LRRTM3: variants seen among roughly 807,000 people sequenced by gnomAD.
LRRTM3 encodes the protein leucine rich repeat transmembrane neuronal 3.
A neutral mutation model predicts 44.7 loss-of-function variants in LRRTM3; 24 were observed. The ratio of observed to expected loss-of-function variants is 0.54; its 90% confidence interval spans 0.39 to 0.76. The LOEUF (loss-of-function observed/expected upper bound fraction) is 0.76. LRRTM3 is among the 30% of genes least tolerant of loss of function. The pLI is 0.00. For synonymous variants in LRRTM3, 277 were observed against 278.7 expected, an observed-to-expected ratio of 0.99 and a Z score of 0.06; for missense variants, 587 against 702.2, an observed-to-expected ratio of 0.84 and a Z score of 1.85.
intron 2 of LRRTM3, among the ~76,000 whole-genome samples, chr10:66,953,659 C>T (rs1194144515): frequency 1.3e-5 from 2 of 152,050 alleles, no homozygotes; most frequent in African/African-American, 2.4e-5. Flanking sequence ...AGAATTTCAT[C>T]TATTTTCTAC....
At chr10:67,033,032 A>G (rs760350197) in intron 2 of LRRTM3, among the ~76,000 whole-genome samples, 3 of 152,230 alleles carry the variant, frequency 2.0e-5, no homozygotes, top group Non-Finnish European at 2.9e-5. Context: ...ACTTTTACCA[A>G]TGCCTAAAGG....
At chr10:67,052,071 A>T (rs1855132702) in intron 2 of LRRTM3, among the ~76,000 whole-genome samples, 1 of 152,152 alleles carries the variant, frequency 6.6e-6, no homozygotes, top group African/African-American at 2.4e-5. Flanking sequence ...ACAAATTTTT[A>T]AATGGGATTT....
chr10:66,931,529 C>G (rs1264850901), intron 2 of LRRTM3, among the ~76,000 whole-genome samples: 1 of 152,152 alleles, frequency 6.6e-6, no homozygotes, highest in Non-Finnish European at 1.5e-5. Flanking sequence ...AGTAAATTGT[C>G]TTTCTATGGA....
At chr10:67,080,112 A>C (rs1856974003) in intron 2 of LRRTM3, among the ~76,000 whole-genome samples, 1 of 152,188 alleles carries the variant, frequency 6.6e-6, no homozygotes. Context: ...AAGAACCAGA[A>C]GGGGTGACAG....
chr10:67,056,176 C>G (rs1322385118), intron 2 of LRRTM3, among the ~76,000 whole-genome samples: 2 of 152,110 alleles, frequency 1.3e-5, no homozygotes, highest in Non-Finnish European at 2.9e-5. Flanking sequence ...ATTTATATCA[C>G]ATAAGAGTTG....
At chr10:66,959,205 A>C (rs910111709) in intron 2 of LRRTM3, among the ~76,000 whole-genome samples, 1 of 152,168 alleles carries the variant, frequency 6.6e-6, no homozygotes, top group Non-Finnish European at 1.5e-5. Context: ...ACTTTTTGAC[A>C]ATCTTTTATT....
intron 2 of LRRTM3, among the ~76,000 whole-genome samples, chr10:67,093,207 T>C (rs1025766606): frequency 2.6e-5 from 4 of 151,894 alleles, no homozygotes; most frequent in Non-Finnish European, 5.9e-5. Context: ...GAGAAGCAAA[T>C]GCCTTATTAG....
At chr10:67,024,518 AT>A (rs1181965831) in intron 2 of LRRTM3, among the ~76,000 whole-genome samples, 10 of 152,294 alleles carry the variant, frequency 6.6e-5, no homozygotes, top group Admixed American at 2.0e-4. Flanking sequence ...GGAGGGCATT[AT>A]TTGGCCTACC....
intron 2 of LRRTM3, among the ~76,000 whole-genome samples, chr10:67,042,933 T>A (rs1384144440): frequency 1.3e-5 from 2 of 152,032 alleles, no homozygotes; most frequent in Non-Finnish European, 2.9e-5. Context: ...TCGAACGCTA[T>A]AAAAGAGGAG....
Position 67,065,507 on chromosome 10 carries a change from C to T in LRRTM3, c.1537-32080C>T, listed in dbSNP as rs541092218. Among the ~76,000 whole-genome samples the T allele has an allele frequency of 3.9e-5, 6 of 152,268 alleles. No individual in the cohort carries two copies. The South Asian group carries it at 1.2e-3, about 32-fold the overall frequency. On this transcript the variant is annotated intron_variant, in intron 2 of 2. Coordinates refer to ENST00000361320, the MANE Select transcript of LRRTM3 (RefSeq NM_178011.5). ...ACAGAAACTAGCTAGCTTCCCACCA[C>T]ATCTGTTCCATCTTCTTCCTGGGCC...
At position 66,926,095 on chromosome 10, in the gene LRRTM3, T is replaced by TA. The variant is rs1325611898; in HGVS notation, c.-488dup. 2.8e-5 allele frequency: 13 copies of TA among 457,978 alleles called. No homozygotes were observed. Among genetic ancestry groups the TA allele is most frequent in the Non-Finnish European group, 5.7e-5 (13 of 227,980 alleles). 28.4% of individuals were successfully genotyped at this position (457,978 alleles called of 1,614,324 possible). ...AGAAGTGAGCTGAGCGTGTGCGCGG[T>TA]ACGGGGCTCTCCTGCCTTCTGGGCT... is the stretch of plus-strand genomic sequence containing the variant. On this transcript the variant is annotated 5_prime_UTR_variant, in exon 1 of 3. It removes the in-frame stop codon of an upstream open reading frame in the 5' UTR. Transcript: ENST00000361320.
At chr10:66,976,481 A>C (rs967524601) in intron 2 of LRRTM3, among the ~76,000 whole-genome samples, 1 of 152,178 alleles carries the variant, frequency 6.6e-6, no homozygotes. Context: ...AGATTACTCC[A>C]ATAGCCTCAT....
intron 2 of LRRTM3, among the ~76,000 whole-genome samples, chr10:66,943,873 T>C (rs1252457087): frequency 6.6e-6 from 1 of 152,180 alleles, no homozygotes; most frequent in Non-Finnish European, 1.5e-5. Flanking sequence ...AAAGAAACAA[T>C]GTGCTTATAA....
intron 2 of LRRTM3, among the ~76,000 whole-genome samples, chr10:67,056,888 G>GAGCAAGGAT (rs1289022249): frequency 1.3e-5 from 2 of 152,202 alleles, no homozygotes; most frequent in Non-Finnish European, 2.9e-5. Flanking sequence ...TCAAGTGAGA[G>GAGCAAGGAT]AGCAAGGATT....
rs1858113334 is a variant in LRRTM3 at position 67,097,985 on chromosome 10, A to AT, written c.*191dup. The stretch of plus-strand genomic sequence containing the variant: ...AATTGTTTTAAGTCTACACTTTGTA[A>AT]TTAGCTAAGTTGTGCAGTATTTTTT... On this transcript the variant is annotated 3_prime_UTR_variant, in exon 3 of 3. Transcript: ENST00000361320. 1 of 591,516 alleles carries AT rather than the reference A, an allele frequency of 1.7e-6. No individual in the cohort carries two copies. Among genetic ancestry groups the AT allele is most frequent in the East Asian group, 2.8e-5 (1 of 35,514 alleles). 36.6% of individuals were successfully genotyped at this position (591,516 alleles called of 1,614,324 possible). A position where few individuals can be genotyped will look rare whatever the true frequency, so the allele number is the denominator to read the frequency against.
chr10:66,975,416 C>G (rs1849973486), intron 2 of LRRTM3, among the ~76,000 whole-genome samples: 1 of 152,260 alleles, frequency 6.6e-6, no homozygotes, highest in South Asian at 2.1e-4. Context: ...GTTCCCTGTT[C>G]AGATTGGCTT....
At chr10:66,981,314 A>G (rs528564201) in intron 2 of LRRTM3, among the ~76,000 whole-genome samples, 3 of 152,250 alleles carry the variant, frequency 2.0e-5, no homozygotes, top group African/African-American at 7.2e-5. Context: ...CTTCATCTAT[A>G]TCTCTAAATA....
At chr10:67,043,385 C>T (rs1042567625) in intron 2 of LRRTM3, among the ~76,000 whole-genome samples, 6 of 152,048 alleles carry the variant, frequency 3.9e-5, no homozygotes, top group Non-Finnish European at 7.4e-5. Context: ...CTCAATTAGC[C>T]AAAACATGCT....
At chr10:67,050,403 T>C (rs1855011509) in intron 2 of LRRTM3, among the ~76,000 whole-genome samples, 1 of 152,006 alleles carries the variant, frequency 6.6e-6, no homozygotes, top group Non-Finnish European at 1.5e-5. Context: ...AATTTGAAAA[T>C]ATAAGTATTA....
Sources: gnomAD v4.1 joint callset for allele counts (sites outside exome capture counted in the v4.1 genomes callset) on GRCh38, gnomAD v4.1.1 for gene constraint, MANE v1.5 for transcripts, NCBI Gene and HGNC (gene_info 2026-07-23, HGNC 2026-07-21) for gene names.